The following SLCO1A2 variants were observed in gnomAD, a reference collection of about 807,000 sequenced individuals.
The protein encoded by SLCO1A2 is OATP-1.
SLCO1A2 carries 67 observed loss-of-function variants against 69.0 expected under a neutral mutation model. That is an observed-to-expected ratio of 0.97 (90% CI 0.80 to 1.19). The LOEUF is 1.19. SLCO1A2 is among the 50% of genes most tolerant of loss of function. SLCO1A2 has a pLI of 0.00. For synonymous variants in SLCO1A2, 260 were observed against 265.9 expected (o/e 0.98, Z 0.22); for missense variants, 787 against 793.7 (o/e 0.99, Z 0.10).
At chr12:21,305,758 T>C (rs1949290326) in intron 5 of SLCO1A2, among the ~76,000 whole-genome samples, 1 of 152,224 alleles carries the variant, frequency 6.6e-6, no homozygotes, top group South Asian at 2.1e-4. Context: ...TGGGGGTTCT[T>C]TGGCTTCTTC....
chr12:21,294,259 T>C (rs185639190), intron 10 of SLCO1A2, 149 bp from the exon 11 acceptor site: 4 of 578,644 alleles, frequency 6.9e-6, no homozygotes, highest in South Asian at 5.2e-5. Flanking sequence ...CTGTTTACTA[T>C]AGCTTTGGTA....
intron 1 of SLCO1A2, among the ~76,000 whole-genome samples, chr12:21,401,103 T>C (rs1941687200): frequency 6.6e-6 from 1 of 151,682 alleles, no homozygotes; most frequent in Admixed American, 6.6e-5. Flanking sequence ...TCATCACTGT[T>C]GTGGTATTTC....
At chr12:21,285,429 A>G (rs548185542) in intron 12 of SLCO1A2, among the ~76,000 whole-genome samples, 62 of 145,748 alleles carry the variant, frequency 4.3e-4, no homozygotes, top group Middle Eastern at 3.5e-3. Context: ...TACCAGAGGT[A>G]CAAGGAGGAA....
chr12:21,311,285 T>C (rs1229054667), intron 4 of SLCO1A2, among the ~76,000 whole-genome samples: 1 of 152,178 alleles, frequency 6.6e-6, no homozygotes, highest in African/African-American at 2.4e-5. Flanking sequence ...TCTAAGAGGA[T>C]TTGAGTCAAC....
intron 2 of SLCO1A2, among the ~76,000 whole-genome samples, chr12:21,370,401 C>T (rs538848398): frequency 1.9e-3 from 291 of 151,468 alleles, no homozygotes; most frequent in African/African-American, 6.7e-3. Flanking sequence ...CATATATATA[C>T]ATGTGCCATG....
At chr12:21,297,175 C>A (rs1000250627) in intron 9 of SLCO1A2, among the ~76,000 whole-genome samples, 1 of 152,062 alleles carries the variant, frequency 6.6e-6, no homozygotes, top group African/African-American at 2.4e-5. Context: ...GTATTTCTGA[C>A]CTCTTCCCTT....
intron 2 of SLCO1A2, among the ~76,000 whole-genome samples, chr12:21,349,334 T>A (rs1937746591): frequency 6.6e-6 from 1 of 152,194 alleles, no homozygotes; most frequent in African/African-American, 2.4e-5. Context: ...TCTATTCTGC[T>A]GAGAGGCCCA....
intron 3 of SLCO1A2, 66 bp downstream of exon 3, chr12:21,318,716 A>C (rs1314466788): frequency 3.1e-5 from 44 of 1,411,230 alleles, no homozygotes; most frequent in Non-Finnish European, 3.8e-5. Flanking sequence ...AAGGAGAATA[A>C]AATTCAGACT....
intron 2 of SLCO1A2, among the ~76,000 whole-genome samples, chr12:21,368,959 TGAAATGTAGAAACAGCTAAAATAAA>T (rs1334241446): frequency 6.6e-6 from 1 of 152,104 alleles, no homozygotes; most frequent in African/African-American, 2.4e-5. Flanking sequence ...TAAATATTTT[TGAAATGTAGAAACAGCTAAAATAAA>T]GAAATGTAGA....
intron 1 of SLCO1A2, among the ~76,000 whole-genome samples, chr12:21,387,547 T>C (rs1219888751): frequency 1.3e-5 from 2 of 152,202 alleles, no homozygotes; most frequent in African/African-American, 2.4e-5. Context: ...CGTATGGTAT[T>C]GACCCTACGG....
intron 2 of SLCO1A2, among the ~76,000 whole-genome samples, chr12:21,331,225 G>A (rs1285668914): frequency 1.3e-5 from 2 of 151,668 alleles, no homozygotes. Context: ...TGTTCTGAGT[G>A]TTTTAAGGGG....
chr12:21,401,897 A>G (rs1941717700), intron 1 of SLCO1A2, among the ~76,000 whole-genome samples: 1 of 151,570 alleles, frequency 6.6e-6, no homozygotes, highest in Admixed American at 6.6e-5. Context: ...CAGCAGAAAT[A>G]TACATATACA....
chr12:21,378,145 G>A, intron 1 of SLCO1A2: 1 of 1,194,824 alleles, frequency 8.4e-7, no homozygotes. Context: ...TGTTTCTTTG[G>A]TTTTCATCAA....
intron 12 of SLCO1A2, among the ~76,000 whole-genome samples, chr12:21,285,917 A>G (rs1945693871): frequency 6.6e-6 from 1 of 151,356 alleles, no homozygotes; most frequent in Admixed American, 6.6e-5. Flanking sequence ...GAATGGGCAA[A>G]AACTGGAAGC....
intron 12 of SLCO1A2, among the ~76,000 whole-genome samples, chr12:21,282,899 T>C (rs1386267965): frequency 6.6e-6 from 1 of 152,052 alleles, no homozygotes; most frequent in Non-Finnish European, 1.5e-5. Context: ...ATAAAAACTG[T>C]AAAACATTGG....
intron 1 of SLCO1A2, among the ~76,000 whole-genome samples, chr12:21,385,840 CT>C (rs1402868332): frequency 1.3e-5 from 2 of 152,176 alleles, no homozygotes; most frequent in Non-Finnish European, 2.9e-5. Context: ...CTTCATCAGC[CT>C]TCTGAAAACA....
At chr12:21,396,768 A>T (rs1160723153), upstream of SLCO1A2, among the ~76,000 whole-genome samples, 1 of 152,174 alleles carries the variant, frequency 6.6e-6, no homozygotes, top group African/African-American at 2.4e-5. Context: ...TATCCAGCCA[A>T]ACTAAGCTTC....
In SLCO1A2 at chr12:21,293,936, A is replaced by G; in HGVS notation, c.1437+9T>C. The stretch of plus-strand genomic sequence containing the variant: ...ACTCAAAAAAGTTCTGTCAAATAGG[A>G]TGTCTTACCATGTTTATTCCCGTTC... On this transcript the variant is annotated intron_variant, in intron 11 of 14. Coordinates refer to ENST00000683939, the MANE Select transcript of SLCO1A2 (RefSeq NM_001386879.1). 6.3e-7 allele frequency: 1 copy of G among 1,597,388 alleles called. No individual in the cohort carries two copies. Among genetic ancestry groups the G allele is most frequent in the Non-Finnish European group, 8.5e-7 (1 of 1,173,734 alleles).
chr12:21,310,493 G>A (rs12314183), intron 4 of SLCO1A2, among the ~76,000 whole-genome samples: 11,262 of 152,300 alleles, frequency 0.074, 1,333 homozygotes, highest in African/African-American at 0.25. Context: ...GCTGCTGAAG[G>A]TTGTGGGGGC....
Sources: gnomAD v4.1 joint callset for allele counts (sites outside exome capture counted in the v4.1 genomes callset) on GRCh38, gnomAD v4.1.1 for gene constraint, MANE v1.5 for transcripts, NCBI Gene and HGNC (gene_info 2026-07-23, HGNC 2026-07-21) for gene names.